Variants in STK39 observed in about 807,000 individuals in gnomAD.
STK39 encodes STE20/SPS1-related proline-alanine-rich protein kinase.
In STK39, 20 loss-of-function variants were observed where a neutral mutation model predicts 77.8. The observed-to-expected ratio is 0.26, with a 90% CI of 0.18 to 0.37. The LOEUF is 0.37. Among genes scored for constraint, STK39 ranks in the 10% least tolerant of loss-of-function variants. The probability of loss-of-function intolerance (pLI) is 1.00; values close to 1 mark genes in which losing one functional copy is unlikely to be tolerated. For missense variants in STK39, 479 were observed against 656.5 expected (o/e 0.73, Z 2.95); for synonymous variants, 246 against 234.1 (o/e 1.05, Z -0.47).
intron 10 of STK39, among the ~76,000 whole-genome samples, chr2:168,128,695 A>G (rs1687606805): frequency 6.6e-6 from 1 of 152,250 alleles, no homozygotes; most frequent in Admixed American, 6.5e-5. Context: ...GGAATTTAAT[A>G]TTCAGCTATG....
At chr2:168,216,007 T>C (rs1330229411) in intron 1 of STK39, among the ~76,000 whole-genome samples, 2 of 152,182 alleles carry the variant, frequency 1.3e-5, no homozygotes, top group East Asian at 1.9e-4. Context: ...TGTTTTTGCA[T>C]AGCATCCCTC....
At chr2:168,096,717 G>A (rs938802269) in intron 10 of STK39, among the ~76,000 whole-genome samples, 3 of 152,064 alleles carry the variant, frequency 2.0e-5, no homozygotes, top group Admixed American at 1.3e-4. Context: ...AAGACATCAG[G>A]CCACAATTTT....
chr2:168,173,616 G>A (rs1328804477), intron 2 of STK39, among the ~76,000 whole-genome samples: 2 of 152,156 alleles, frequency 1.3e-5, no homozygotes, highest in East Asian at 3.9e-4. Context: ...AGAATGCAAT[G>A]GTGAAATCTC....
At chr2:168,215,225 A>G (rs1263654286) in intron 1 of STK39, among the ~76,000 whole-genome samples, 1 of 152,180 alleles carries the variant, frequency 6.6e-6, no homozygotes, top group Non-Finnish European at 1.5e-5. Flanking sequence ...AACCACTGGC[A>G]TTACCAAATG....
At chr2:168,193,186 C>T (rs1386743665) in intron 1 of STK39, among the ~76,000 whole-genome samples, 1 of 152,178 alleles carries the variant, frequency 6.6e-6, no homozygotes, top group Non-Finnish European at 1.5e-5. Flanking sequence ...TCTGATTGCA[C>T]TTATAACCCA....
chr2:168,160,332 C>T (rs541059101), intron 5 of STK39, among the ~76,000 whole-genome samples: 2 of 152,218 alleles, frequency 1.3e-5, no homozygotes, highest in Admixed American at 6.5e-5. Context: ...TAAGTATTAC[C>T]TTTTGATAAG....
Position 167,957,711 on chromosome 2 carries a change from G to A in STK39, c.1564-2141C>T, listed in dbSNP as rs370797777. Reference sequence around the variant, plus strand: ...TACTTCAAATCTTCATCAGAAATTTGGCAATGTGAATATCAGGAGGTTAAA... The same window carrying A: ...TACTTCAAATCTTCATCAGAAATTTAGCAATGTGAATATCAGGAGGTTAAA... On this transcript the variant is annotated intron_variant, in intron 17 of 17. Coordinates refer to ENST00000355999, the MANE Select transcript of STK39 (RefSeq NM_013233.3). Among the ~76,000 whole-genome samples, 20 of 152,264 alleles carry A rather than the reference G, an allele frequency of 1.3e-4. 1 individual carries two copies. Among genetic ancestry groups the A allele is most frequent in the African/African-American group, 3.9e-4 (16 of 41,544 alleles).
intron 17 of STK39, among the ~76,000 whole-genome samples, chr2:167,956,717 C>T (rs796067270): frequency 6.8e-4 from 48 of 70,706 alleles, no homozygotes; most frequent in African/African-American, 1.9e-3. Flanking sequence ...CTCTCTCTCT[C>T]TCTCTCTCTC....
At chr2:168,160,613 T>C (rs1407680314) in intron 5 of STK39, among the ~76,000 whole-genome samples, 1 of 152,166 alleles carries the variant, frequency 6.6e-6, no homozygotes, top group African/African-American at 2.4e-5. Context: ...TTACCCTTCT[T>C]TAAGGAAACT....
At chr2:168,104,057 A>G (rs1017140326) in intron 10 of STK39, among the ~76,000 whole-genome samples, 5 of 152,216 alleles carry the variant, frequency 3.3e-5, no homozygotes, top group African/African-American at 1.2e-4. Context: ...GGTCTAAGAA[A>G]AGCAAGGTAC....
At chr2:168,071,619 C>T (rs1279316537) in intron 12 of STK39, among the ~76,000 whole-genome samples, 2 of 152,076 alleles carry the variant, frequency 1.3e-5, no homozygotes, top group African/African-American at 2.4e-5. Context: ...CAGTGGCTCA[C>T]GCTTGTAATC....
Position 168,065,368 on chromosome 2 carries a change from G to A in STK39, c.1256C>T (p.Ala419Val). 1.9e-6 allele frequency: 3 copies of A among 1,614,054 alleles called. No homozygotes were observed. The highest frequency in any genetic ancestry group is 1.3e-5 in the African/African-American group (1 of 75,008). ...CTGTATTTGTTCGGGGATGGTGCTG[G>A]CACTCACTGCAATCTGTTACGAGAG... ...KEENPEIAVS[A>V]STIPEQIQSL... The change falls in exon 13 of 18, where the codon GCC becomes GTC. Residue 419 changes from alanine to valine, a missense_variant. This residue lies in a region of STK39 where 244 missense variants were observed against 296.8 expected (regional missense o/e 0.82). Coordinates refer to ENST00000355999, the MANE Select transcript of STK39 (RefSeq NM_013233.3).
chr2:168,051,480 G>A (rs1685393190), intron 14 of STK39, among the ~76,000 whole-genome samples: 1 of 152,192 alleles, frequency 6.6e-6, no homozygotes, highest in Admixed American at 6.5e-5. Flanking sequence ...AAAGGCTCAT[G>A]AGAAAGAAGC....
intron 10 of STK39, among the ~76,000 whole-genome samples, chr2:168,075,663 G>A (rs1457794819): frequency 6.6e-6 from 1 of 151,552 alleles, no homozygotes; most frequent in Non-Finnish European, 1.5e-5. Flanking sequence ...GCCTAATGAC[G>A]CATACTAGAC....
rs140477002 is a variant in STK39, at chr2:168,133,198, G to A, written c.975-3440C>T. Among the ~76,000 whole-genome samples, 1,021 of 152,224 alleles carry A rather than the reference G, an allele frequency of 6.7e-3. 6 individuals are homozygous for A. Among genetic ancestry groups the A allele is most frequent in the Middle Eastern group, 0.024 (7 of 294 alleles). On this transcript the variant is annotated intron_variant, in intron 8 of 17. Coordinates refer to ENST00000355999, the MANE Select transcript of STK39 (RefSeq NM_013233.3). ...AAGTACCAGGGATACCTTGAGATAC[G>A]GGGCTGGGAAAATACTTTGCCTTCT...
At chr2:168,126,898 T>C (rs867684988) in intron 10 of STK39, among the ~76,000 whole-genome samples, 3 of 152,120 alleles carry the variant, frequency 2.0e-5, no homozygotes, top group South Asian at 2.1e-4. Context: ...TTCTCTAGGA[T>C]GCTTAAAGAA....
intron 1 of STK39, among the ~76,000 whole-genome samples, chr2:168,220,002 A>G (rs1326540729): frequency 6.6e-6 from 1 of 152,118 alleles, no homozygotes; most frequent in African/African-American, 2.4e-5. Context: ...GTCCAAGGAA[A>G]GAGATGGAGA....
chr2:167,973,806 A>G (rs1307303807), intron 16 of STK39, among the ~76,000 whole-genome samples: 1 of 152,194 alleles, frequency 6.6e-6, no homozygotes, highest in Non-Finnish European at 1.5e-5. Flanking sequence ...GGTCTGCAAA[A>G]ATTAATCATG....
Position 168,197,150 on chromosome 2 carries a change from G to T in STK39, c.209-15060C>A, listed in dbSNP as rs143375084. Among the ~76,000 whole-genome samples the T allele has an allele frequency of 2.5e-3, 375 of 152,336 alleles. 4 individuals carry two copies. Among genetic ancestry groups the T allele is most frequent in the African/African-American group, 8.5e-3 (352 of 41,570 alleles). ...AGATGTGCGGGCATGAATCAACGAT[G>T]GCAAGTGCTAGGGTAGACAAAGTAG... On this transcript the variant is annotated intron_variant, in intron 1 of 17. Coordinates refer to ENST00000355999, the MANE Select transcript of STK39 (RefSeq NM_013233.3).
Sources: gnomAD v4.1 joint callset for allele counts (sites outside exome capture counted in the v4.1 genomes callset) on GRCh38, gnomAD v4.1.1 for gene constraint, gnomAD v4.1.1 regional missense constraint, MANE v1.5 for transcripts, NCBI Gene and HGNC (gene_info 2026-07-23, HGNC 2026-07-21) for gene names.